The following ADARB2 variants were observed in gnomAD, a reference collection of about 807,000 sequenced individuals.
The protein encoded by ADARB2 is adenosine deaminase RNA specific B2 (inactive), also known as inactive double-stranded RNA-specific editase B2.
ADARB2 carries 25 observed loss-of-function variants against 62.2 expected under a neutral mutation model. The ratio of observed to expected loss-of-function variants is 0.40; its 90% CI spans 0.29 to 0.56. The LOEUF (loss-of-function observed/expected upper bound fraction) is 0.56. Among genes scored for constraint, ADARB2 ranks in the 20% least tolerant of loss-of-function variants. ADARB2 has a pLI of 0.43. For synonymous variants in ADARB2, 572 were observed against 500.8 expected (o/e 1.14, Z -1.90); for missense variants, 1,071 against 1,077.4 (o/e 0.99, Z 0.08).
At position 1,608,040 on chromosome 10, in the gene ADARB2, T is replaced by C. The variant is rs184473983; in HGVS notation, c.100+129011A>G. On this transcript the variant is annotated intron_variant, in intron 1 of 9. Transcript: ENST00000381312. Reference sequence around the variant, plus strand: ...CAAGACCACAGCATCCACTGGAAACTGACGTAGGTTTCAGGGGGATTCTGA... The same window carrying C: ...CAAGACCACAGCATCCACTGGAAACCGACGTAGGTTTCAGGGGGATTCTGA... Among the ~76,000 whole-genome samples, 129 of 152,338 alleles carry C rather than the reference T, an allele frequency of 8.5e-4. 2 individuals carry two copies. The East Asian group carries it at 0.021, about 25-fold the overall frequency.
At chr10:1,201,403 A>G (rs1257014350) in intron 7 of ADARB2, among the ~76,000 whole-genome samples, 1 of 152,242 alleles carries the variant, frequency 6.6e-6, no homozygotes, top group Admixed American at 6.5e-5. Flanking sequence ...TCAGTCTATC[A>G]GATTTGCATA....
At chr10:1,634,048 G>T (rs530827884) in intron 1 of ADARB2, among the ~76,000 whole-genome samples, 6 of 152,230 alleles carry the variant, frequency 3.9e-5, no homozygotes, top group South Asian at 2.1e-4. Flanking sequence ...TTCTGCTGCC[G>T]GCTGTGCTGT....
chr10:1,586,349 G>T (rs767177744), intron 1 of ADARB2, among the ~76,000 whole-genome samples: 47 of 152,304 alleles, frequency 3.1e-4, no homozygotes, highest in Middle Eastern at 6.8e-3. Context: ...GAAGGACCCC[G>T]AGTGCTTGAT....
intron 7 of ADARB2, chr10:1,200,497 G>A (rs963545096): frequency 2.2e-6 from 1 of 459,060 alleles, no homozygotes; most frequent in African/African-American, 2.0e-5. Flanking sequence ...CTTTATATTA[G>A]CTGGGAAATA....
intron 7 of ADARB2, among the ~76,000 whole-genome samples, chr10:1,202,274 G>T (rs1836996608): frequency 6.6e-6 from 1 of 151,834 alleles, no homozygotes; most frequent in South Asian, 2.1e-4. Flanking sequence ...TTTAGACAGG[G>T]TCTCACTCTG....
intron 1 of ADARB2, among the ~76,000 whole-genome samples, chr10:1,514,178 A>AATATATATATATATATAT (rs61671460): frequency 0.042 from 3,936 of 94,002 alleles, 521 homozygotes; most frequent in Middle Eastern, 0.048. Flanking sequence ...GCTGTCTCAA[A>AATATATATATATATATAT]ATATATATAT....
At chr10:1,433,718 T>G (rs1197009163) in intron 1 of ADARB2, among the ~76,000 whole-genome samples, 1 of 152,090 alleles carries the variant, frequency 6.6e-6, no homozygotes, top group African/African-American at 2.4e-5. Flanking sequence ...GACAGGAAAT[T>G]GTGGGGAGAA....
At chr10:1,416,991 T>C (rs1832809967) in intron 1 of ADARB2, among the ~76,000 whole-genome samples, 1 of 152,000 alleles carries the variant, frequency 6.6e-6, no homozygotes, top group Admixed American at 6.6e-5. Context: ...ACTGCAGGAG[T>C]GTTTGAGAAA....
intron 1 of ADARB2, among the ~76,000 whole-genome samples, chr10:1,651,408 C>T (rs1178948960): frequency 1.3e-5 from 2 of 152,218 alleles, no homozygotes; most frequent in African/African-American, 2.4e-5. Flanking sequence ...TTCTCAGGGT[C>T]CTGCAAGCCA....
chr10:1,474,098 G>A (rs999476548), intron 1 of ADARB2, among the ~76,000 whole-genome samples: 1 of 151,024 alleles, frequency 6.6e-6, no homozygotes, highest in Non-Finnish European at 1.5e-5. Context: ...CTCTTCGGTT[G>A]CTGGCATCCT....
intron 3 of ADARB2, among the ~76,000 whole-genome samples, chr10:1,330,159 G>A (rs1831915595): frequency 1.3e-5 from 2 of 152,118 alleles, no homozygotes; most frequent in African/African-American, 4.8e-5. Context: ...GGAGGGCTGA[G>A]TCAGGGTCGA....
chr10:1,640,195 G>A (rs147555741), intron 1 of ADARB2, among the ~76,000 whole-genome samples: 9 of 152,276 alleles, frequency 5.9e-5, no homozygotes, highest in South Asian at 2.1e-4. Flanking sequence ...AGATTGTACC[G>A]TTGTAAAATT....
In ADARB2 at chr10:1,566,039, T is replaced by C. The variant is rs182999169; in HGVS notation, c.100+171012A>G. The stretch of plus-strand genomic sequence containing the variant: ...TTAATACTTTTCTCATCGTTACTTC[T>C]CCTCTAGGTTGAGCTCAGTCTAGCA... On this transcript the variant is annotated intron_variant, in intron 1 of 9. Transcript: ENST00000381312. 4.0e-3 allele frequency among the ~76,000 whole-genome samples: 563 copies of C among 141,198 alleles called. 11 individuals carry two copies. Among genetic ancestry groups the C allele is most frequent in the African/African-American group, 0.014 (533 of 37,302 alleles). 92.6% of individuals were successfully genotyped at this position (141,198 alleles called of 152,430 possible). A position where few individuals can be genotyped will look rare whatever the true frequency, so the allele number is the denominator to read the frequency against.
At chr10:1,421,073 C>T (rs1832848755) in intron 1 of ADARB2, among the ~76,000 whole-genome samples, 1 of 151,692 alleles carries the variant, frequency 6.6e-6, no homozygotes, top group African/African-American at 2.4e-5. Context: ...GCTCTCCCGC[C>T]CTTCACCTCT....
intron 6 of ADARB2, among the ~76,000 whole-genome samples, chr10:1,224,557 G>T (rs1419961906): frequency 6.6e-6 from 1 of 152,038 alleles, no homozygotes; most frequent in Non-Finnish European, 1.5e-5. Context: ...TCTCTTGTGG[G>T]CATTTAGTGC....
At chr10:1,626,548 C>G (rs1277382620) in intron 1 of ADARB2, among the ~76,000 whole-genome samples, 1 of 152,178 alleles carries the variant, frequency 6.6e-6, no homozygotes, top group African/African-American at 2.4e-5. Flanking sequence ...GCTGTGAACT[C>G]CCCTGCACGT....
chr10:1,736,621 C>T (rs1325470210), intron 1 of ADARB2, among the ~76,000 whole-genome samples: 1 of 152,258 alleles, frequency 6.6e-6, no homozygotes, highest in African/African-American at 2.4e-5. Flanking sequence ...TCCCTTCCTC[C>T]GGGACAGTTT....
At chr10:1,274,090 G>A (rs915644965) in intron 3 of ADARB2, among the ~76,000 whole-genome samples, 5 of 152,258 alleles carry the variant, frequency 3.3e-5, no homozygotes, top group Non-Finnish European at 7.3e-5. Context: ...AAACCTTGAA[G>A]GATGAGTAGG....
At chr10:1,354,375 T>G (rs1832173670) in intron 3 of ADARB2, among the ~76,000 whole-genome samples, 1 of 152,248 alleles carries the variant, frequency 6.6e-6, no homozygotes, top group Admixed American at 6.5e-5. Context: ...CTGAGCACCT[T>G]GTGACCCCCA....
Sources: allele counts gnomAD v4.1 joint callset (sites outside exome capture counted in the v4.1 genomes callset), GRCh38; gene constraint gnomAD v4.1.1; transcripts MANE v1.5; gene names NCBI Gene and HGNC (gene_info 2026-07-23, HGNC 2026-07-21).